The following CCDC102B variants were observed in gnomAD, a reference collection of about 807,000 sequenced individuals.
CCDC102B encodes coiled-coil domain containing 102B, also known as coiled-coil domain-containing protein 102B.
A neutral mutation model predicts 57.4 loss-of-function variants in CCDC102B; 75 were observed. The observed-to-expected ratio is 1.31, with a 90% CI of 1.08 to 1.58. The LOEUF is 1.58. CCDC102B is among the 40% of genes most tolerant of loss of function. The pLI, the probability that CCDC102B is intolerant of heterozygous loss-of-function variation, is 0.00. For synonymous variants in CCDC102B, 206 were observed against 201.9 expected, an observed-to-expected ratio of 1.02 and a Z score of -0.17; for missense variants, 636 against 582.6, an observed-to-expected ratio of 1.09 and a Z score of -0.94.
rs7505655 is a variant in CCDC102B at position 68,880,349 on chromosome 18, G to T, written c.1053+5564G>T. ...TCCAGCTGGCCCGCAAGCACCGCGC[G>T]CAGCCCCGGTTCCTGCTCGTGCCTC... On this transcript the variant is annotated intron_variant, in intron 5 of 7. Transcript: ENST00000360242. Among the ~76,000 whole-genome samples, 44 of 152,154 alleles carry T rather than the reference G, an allele frequency of 2.9e-4. 2 individuals carry two copies. In the South Asian group the frequency reaches 9.1e-3, roughly 32 times the overall value.
chr18:69,028,962 A>G (rs1471723228), intron 7 of CCDC102B, among the ~76,000 whole-genome samples: 1 of 152,160 alleles, frequency 6.6e-6, no homozygotes, highest in East Asian at 1.9e-4. Flanking sequence ...TAAGATTTTA[A>G]TTCATATTAG....
At chr18:68,915,895 G>T (rs2041054058) in intron 6 of CCDC102B, among the ~76,000 whole-genome samples, 2 of 152,202 alleles carry the variant, frequency 1.3e-5, no homozygotes, top group South Asian at 2.1e-4. Context: ...TGACATATAG[G>T]CAGAATGAGT....
chr18:68,818,222 T>TCTGA (rs1156433958), intron 1 of CCDC102B, among the ~76,000 whole-genome samples: 1 of 150,834 alleles, frequency 6.6e-6, no homozygotes, highest in African/African-American at 2.5e-5. Context: ...GTCCCTGTGG[T>TCTGA]CTGTACTTCA....
At chr18:68,804,763 C>T (rs1179290393) in intron 1 of CCDC102B, among the ~76,000 whole-genome samples, 3 of 151,806 alleles carry the variant, frequency 2.0e-5, no homozygotes, top group Non-Finnish European at 2.9e-5. Flanking sequence ...AATGATACTG[C>T]GACTTCAAGA....
chr18:68,791,447 T>C (rs1300808405), intron 2 of CCDC102B, among the ~76,000 whole-genome samples: 1 of 152,192 alleles, frequency 6.6e-6, no homozygotes, highest in Non-Finnish European at 1.5e-5. Flanking sequence ...TATGTGGTAA[T>C]CCTGGAGTAG....
At chr18:68,730,085 T>A (rs1320576474) in intron 2 of CCDC102B, among the ~76,000 whole-genome samples, 3 of 152,184 alleles carry the variant, frequency 2.0e-5, no homozygotes, top group Non-Finnish European at 4.4e-5. Context: ...ATGGGAATCC[T>A]TAATGCACTG....
chr18:68,837,187 A>T lies in CCDC102B; in HGVS notation c.424A>T (p.Ser142Cys). ...ATTGAGTACACTGAAAAAGAAACAG[A>T]GTTTGCCACCTCAGAAGGAGGCATT... is the stretch of plus-strand genomic sequence containing the variant. ...KELSTLKKKQ[S>C]LPPQKEALEA... Residue 142 changes from serine (S) to cysteine (C), a missense_variant, in exon 2 of 8, where the codon AGT becomes TGT. Physicochemically the swap from Ser to Cys is moderately radical, Grantham distance 112. Transcript: ENST00000360242. 6.2e-7 allele frequency: 1 copy of T among 1,614,064 alleles called. No homozygotes were observed. Among genetic ancestry groups the T allele is most frequent in the South Asian group, 1.1e-5 (1 of 91,076 alleles).
chr18:68,963,175 A>G (rs1194991910), intron 6 of CCDC102B, among the ~76,000 whole-genome samples: 2 of 152,002 alleles, frequency 1.3e-5, no homozygotes, highest in Non-Finnish European at 2.9e-5. Flanking sequence ...TTAAAAATCT[A>G]GGAGGAGAAT....
chr18:68,984,858 A>G (rs1298043637), intron 6 of CCDC102B, among the ~76,000 whole-genome samples: 1 of 152,114 alleles, frequency 6.6e-6, no homozygotes, highest in African/African-American at 2.4e-5. Flanking sequence ...ACATTGACTT[A>G]TAGAATAGTT....
At chr18:68,844,042 C>T (rs2037748653) in intron 3 of CCDC102B, among the ~76,000 whole-genome samples, 1 of 151,834 alleles carries the variant, frequency 6.6e-6, no homozygotes, top group African/African-American at 2.4e-5. Context: ...ACTCCCCTAA[C>T]CAAATGGTAA....
At chr18:68,896,434 A>G (rs755964329) in intron 5 of CCDC102B, among the ~76,000 whole-genome samples, 19 of 151,990 alleles carry the variant, frequency 1.3e-4, no homozygotes, top group Non-Finnish European at 2.5e-4. Context: ...GTTGAGAACC[A>G]TGGGAAGAGG....
chr18:68,751,427 C>G (rs1309111667), intron 2 of CCDC102B, among the ~76,000 whole-genome samples: 1 of 152,098 alleles, frequency 6.6e-6, no homozygotes, highest in Non-Finnish European at 1.5e-5. Context: ...CTAGACAGCA[C>G]TTCAGCACTA....
intron 6 of CCDC102B, among the ~76,000 whole-genome samples, chr18:68,943,973 A>C (rs1432605888): frequency 1.4e-5 from 2 of 147,966 alleles, no homozygotes; most frequent in Non-Finnish European, 3.1e-5. Context: ...TAAATCCTTC[A>C]TTAGAGTTAG....
chr18:68,867,820 G>A (rs910621879), intron 4 of CCDC102B, among the ~76,000 whole-genome samples: 1 of 151,832 alleles, frequency 6.6e-6, no homozygotes, highest in African/African-American at 2.4e-5. Context: ...TGTAGTCCCA[G>A]CTACTCGACA....
chr18:68,995,781 T>C (rs930677608), intron 6 of CCDC102B, among the ~76,000 whole-genome samples: 32 of 152,060 alleles, frequency 2.1e-4, no homozygotes, highest in African/African-American at 7.7e-4. Flanking sequence ...AACTCCCTAG[T>C]GGAGCTGTGA....
intron 6 of CCDC102B, among the ~76,000 whole-genome samples, chr18:68,915,517 T>C (rs2041040133): frequency 6.6e-6 from 1 of 152,238 alleles, no homozygotes; most frequent in African/African-American, 2.4e-5. Flanking sequence ...TTTGGCTGTA[T>C]ATACAATATA....
At chr18:68,822,044 T>C (rs2036711326) in intron 1 of CCDC102B, among the ~76,000 whole-genome samples, 1 of 152,132 alleles carries the variant, frequency 6.6e-6, no homozygotes, top group Admixed American at 6.6e-5. Flanking sequence ...TGGAATACTT[T>C]CTAAAAATTA....
chr18:68,733,500 ATATATATT>A (rs147852785), intron 2 of CCDC102B, among the ~76,000 whole-genome samples: 11,235 of 101,352 alleles, frequency 0.11, 1,477 homozygotes, highest in African/African-American at 0.32. Context: ...ATATATATAT[ATATATATT>A]TTTTTAACTT....
chr18:68,909,577 T>G (rs2040766501), intron 6 of CCDC102B, among the ~76,000 whole-genome samples: 1 of 152,232 alleles, frequency 6.6e-6, no homozygotes, highest in Non-Finnish European at 1.5e-5. Context: ...TCAATTACTT[T>G]TTTAAAAATA....
Sources: gnomAD v4.1 joint callset for allele counts (sites outside exome capture counted in the v4.1 genomes callset) on GRCh38, gnomAD v4.1.1 for gene constraint, MANE v1.5 for transcripts, NCBI Gene and HGNC (gene_info 2026-07-23, HGNC 2026-07-21) for gene names.